Variants in BMPR1A observed in about 807,000 individuals in gnomAD.
The protein encoded by BMPR1A is bone morphogenetic protein receptor type-1A.
Under a neutral mutation model 66.0 loss-of-function variants are expected in BMPR1A, and 7 were observed. The observed-to-expected ratio is 0.11, with a 90% CI of 0.06 to 0.20. The LOEUF (loss-of-function observed/expected upper bound fraction) is 0.20, where lower values mean the gene tolerates loss of function less well. Ranked by LOEUF, BMPR1A falls within the 10% of genes least tolerant of loss-of-function variation. BMPR1A has a pLI of 1.00. For synonymous variants in BMPR1A, 200 were observed against 229.7 expected (o/e 0.87, Z 1.17); for missense variants, 408 against 669.1 (o/e 0.61, Z 4.31).
intron 1 of BMPR1A, among the ~76,000 whole-genome samples, chr10:86,796,040 TTC>T (rs915871072): frequency 2.6e-5 from 4 of 152,204 alleles, no homozygotes; most frequent in Admixed American, 2.6e-4. Flanking sequence ...ATTTCTTTTG[TTC>T]TGTTTCCTTG....
Position 86,769,988 on chromosome 10 carries a change from T to C in BMPR1A, c.-268+13069T>C, listed in dbSNP as rs568669108. The stretch of plus-strand genomic sequence containing the variant: ...GCTGTGCTGGACAGGGGAGCAAAAG[T>C]AGTTGGAAGAGGGTGAGCTGAGGCT... On this transcript the variant is annotated intron_variant, in intron 1 of 12. Transcript: ENST00000372037. Among the ~76,000 whole-genome samples the C allele has an allele frequency of 2.0e-5, 3 of 151,898 alleles. No individual in the cohort carries two copies. The South Asian group carries it at 6.3e-4, about 32-fold the overall frequency.
intron 1 of BMPR1A, among the ~76,000 whole-genome samples, chr10:86,762,222 C>A (rs1212298609): frequency 1.3e-5 from 2 of 152,156 alleles, no homozygotes; most frequent in Non-Finnish European, 2.9e-5. Flanking sequence ...CTTTTGTGGT[C>A]TCATTTCAGG....
intron 1 of BMPR1A, among the ~76,000 whole-genome samples, chr10:86,758,771 T>C (rs537428402): frequency 6.6e-6 from 1 of 152,228 alleles, no homozygotes; most frequent in African/African-American, 2.4e-5. Flanking sequence ...CCCCTTGTTA[T>C]CTGGATTTCA....
chr10:86,805,897 GTT>G (rs77099282), intron 1 of BMPR1A, among the ~76,000 whole-genome samples: 8 of 132,414 alleles, frequency 6.0e-5, no homozygotes, highest in Non-Finnish European at 3.3e-5. Flanking sequence ...CAACTGAGGT[GTT>G]TTTTTTTTTT....
intron 1 of BMPR1A, among the ~76,000 whole-genome samples, chr10:86,803,382 TTTAATAACAA>T (rs1841840066): frequency 6.6e-6 from 1 of 152,214 alleles, no homozygotes. Flanking sequence ...CATTATTATC[TTTAATAACAA>T]TTTACATCAG....
chr10:86,798,569 C>A (rs924338081), intron 1 of BMPR1A, among the ~76,000 whole-genome samples: 1 of 152,116 alleles, frequency 6.6e-6, no homozygotes, highest in African/African-American at 2.4e-5. Context: ...AACATGGAAT[C>A]TCTAGGACAT....
chr10:86,899,336 C>T (rs533602741), intron 5 of BMPR1A, among the ~76,000 whole-genome samples: 8 of 152,356 alleles, frequency 5.3e-5, no homozygotes, highest in Admixed American at 3.3e-4. Flanking sequence ...CATGGATGCT[C>T]AACTTGCCTC....
chr10:86,856,272 T>C (rs1012467442), intron 2 of BMPR1A: 9 of 518,260 alleles, frequency 1.7e-5, no homozygotes, highest in Non-Finnish European at 2.7e-5. Flanking sequence ...AAAGTACTTG[T>C]CTGTTTAGTA....
At chr10:86,917,083 T>C in intron 8 of BMPR1A, 51 bp from the exon 9 acceptor site, 1 of 1,595,078 alleles carries the variant, frequency 6.3e-7, no homozygotes, top group Non-Finnish European at 8.6e-7. Context: ...TTGCCAGTCT[T>C]AATGGGTTTC....
chr10:86,858,382 G>C (rs893686710), intron 2 of BMPR1A, among the ~76,000 whole-genome samples: 1 of 152,048 alleles, frequency 6.6e-6, no homozygotes, highest in Non-Finnish European at 1.5e-5. Context: ...TTAAAATTGT[G>C]TTTATATCAG....
At chr10:86,911,154 CAA>C (rs35449069) in intron 7 of BMPR1A, among the ~76,000 whole-genome samples, 9 of 82,826 alleles carry the variant, frequency 1.1e-4, no homozygotes, top group Non-Finnish European at 9.9e-5. Flanking sequence ...GACCCTGTCT[CAA>C]AAAAAAAAAA....
At chr10:86,776,361 G>A (rs535542023) in intron 1 of BMPR1A, among the ~76,000 whole-genome samples, 1 of 152,170 alleles carries the variant, frequency 6.6e-6, no homozygotes, top group Non-Finnish European at 1.5e-5. Flanking sequence ...TAATACTACT[G>A]TGTATCCTGC....
At chr10:86,892,358 A>G in intron 5 of BMPR1A, 129 bp downstream of exon 5, 1 of 701,306 alleles carries the variant, frequency 1.4e-6, no homozygotes, top group South Asian at 1.6e-5. Flanking sequence ...TATTGGAGGA[A>G]TACCTACTGT....
At chr10:86,806,529 T>A (rs545268906) in intron 1 of BMPR1A, among the ~76,000 whole-genome samples, 7 of 152,274 alleles carry the variant, frequency 4.6e-5, no homozygotes, top group African/African-American at 1.7e-4. Flanking sequence ...AGTGATAGAC[T>A]CCATTTCGTT....
chr10:86,890,929 G>A (rs958520091), intron 4 of BMPR1A, among the ~76,000 whole-genome samples: 4 of 152,072 alleles, frequency 2.6e-5, no homozygotes, highest in Non-Finnish European at 5.9e-5. Flanking sequence ...GTCCATATTT[G>A]TTGGAAACAT....
chr10:86,845,190 G>A lies in BMPR1A; in HGVS notation c.-153+6211G>A, dbSNP rs115522961. Among the ~76,000 whole-genome samples, 638 of 152,322 alleles carry A rather than the reference G, an allele frequency of 4.2e-3. 6 individuals carry two copies. The highest frequency in any genetic ancestry group is 0.015 in the African/African-American group (619 of 41,578). The stretch of plus-strand genomic sequence containing the variant: ...AGACTTACTGGCTGATAGGTTATTT[G>A]GGAGATGAACCAAAAAGCAGAAGTG... On this transcript the variant is annotated intron_variant, in intron 2 of 12. Coordinates refer to ENST00000372037, the MANE Select transcript of BMPR1A (RefSeq NM_004329.3).
At chr10:86,776,624 A>G (rs1449867829) in intron 1 of BMPR1A, among the ~76,000 whole-genome samples, 2 of 152,032 alleles carry the variant, frequency 1.3e-5, no homozygotes, top group African/African-American at 4.8e-5. Flanking sequence ...CCCCTTTGCT[A>G]CTTCCAGATC....
intron 2 of BMPR1A, among the ~76,000 whole-genome samples, chr10:86,851,258 A>G (rs962370771): frequency 1.3e-5 from 2 of 152,208 alleles, no homozygotes; most frequent in African/African-American, 4.8e-5. Flanking sequence ...GTTAGAGTGC[A>G]TTTTATGGTT....
chr10:86,795,488 G>A (rs1393721967), intron 1 of BMPR1A, among the ~76,000 whole-genome samples: 1 of 151,690 alleles, frequency 6.6e-6, no homozygotes, highest in Non-Finnish European at 1.5e-5. Flanking sequence ...ATGCCATTTT[G>A]GGAGGTTAAA....
Sources: allele counts gnomAD v4.1 joint callset (sites outside exome capture counted in the v4.1 genomes callset), GRCh38; gene constraint gnomAD v4.1.1; transcripts MANE v1.5; gene names NCBI Gene and HGNC (gene_info 2026-07-23, HGNC 2026-07-21).